ARHGAP15: variants seen among roughly 807,000 people sequenced by gnomAD.
ARHGAP15 encodes rho GTPase-activating protein 15.
In ARHGAP15, 51 loss-of-function variants were observed where a neutral mutation model predicts 63.7. The ratio of observed to expected loss-of-function variants is 0.80; its 90% CI spans 0.64 to 1.01. The LOEUF (loss-of-function observed/expected upper bound fraction) is 1.01. Among genes scored for constraint, ARHGAP15 ranks in the 50% least tolerant of loss-of-function variants. The pLI, the probability that ARHGAP15 is intolerant of heterozygous loss-of-function variation, is 0.00. For synonymous variants in ARHGAP15, 191 were observed against 193.8 expected (o/e 0.99, Z 0.12); for missense variants, 560 against 564.6 (o/e 0.99, Z 0.08).
At chr2:143,405,629 ATGTTTTTAAC>A (rs1184619335) in intron 6 of ARHGAP15, among the ~76,000 whole-genome samples, 3 of 151,932 alleles carry the variant, frequency 2.0e-5, no homozygotes, top group African/African-American at 7.2e-5. Context: ...TCACTTGAAG[ATGTTTTTAAC>A]TGTTTTGATT....
intron 6 of ARHGAP15, among the ~76,000 whole-genome samples, chr2:143,270,009 G>C (rs1362507438): frequency 6.6e-6 from 1 of 152,070 alleles, no homozygotes; most frequent in South Asian, 2.1e-4. Flanking sequence ...TCTCGCTCTT[G>C]TCGCCCGGGC....
At chr2:143,402,402 C>T (rs887841370) in intron 6 of ARHGAP15, among the ~76,000 whole-genome samples, 3 of 151,892 alleles carry the variant, frequency 2.0e-5, no homozygotes, top group Admixed American at 6.6e-5. Flanking sequence ...AAATAGACAA[C>T]AGCAAAGGTA....
At chr2:143,232,267 C>CA (rs1693477118) in intron 5 of ARHGAP15, among the ~76,000 whole-genome samples, 1 of 152,134 alleles carries the variant, frequency 6.6e-6, no homozygotes, top group African/African-American at 2.4e-5. Context: ...ATACCCAATC[C>CA]AAAAAATAGA....
intron 11 of ARHGAP15, among the ~76,000 whole-genome samples, chr2:143,575,150 G>T (rs1574653289): frequency 6.6e-6 from 1 of 152,096 alleles, no homozygotes; most frequent in South Asian, 2.1e-4. Flanking sequence ...ACCTTGCTGA[G>T]TTTCACTCTC....
At chr2:143,241,186 A>T (rs1170538598) in intron 5 of ARHGAP15, among the ~76,000 whole-genome samples, 2 of 152,198 alleles carry the variant, frequency 1.3e-5, no homozygotes. Context: ...CTAAATTGAA[A>T]TGCTCTGAGA....
At chr2:143,501,212 C>T (rs968491478) in intron 9 of ARHGAP15, among the ~76,000 whole-genome samples, 1 of 152,182 alleles carries the variant, frequency 6.6e-6, no homozygotes, top group African/African-American at 2.4e-5. Context: ...CCCTTGGACT[C>T]CCTCATAATT....
intron 6 of ARHGAP15, among the ~76,000 whole-genome samples, chr2:143,428,976 T>G (rs13011344): frequency 0.19 from 28,920 of 151,954 alleles, 3,396 homozygotes; most frequent in East Asian, 0.49. Context: ...CCCCCCAGTT[T>G]AAAAATTAAG....
At chr2:143,594,316 G>A (rs1467385752) in intron 11 of ARHGAP15, among the ~76,000 whole-genome samples, 2 of 152,272 alleles carry the variant, frequency 1.3e-5, no homozygotes, top group East Asian at 3.9e-4. Flanking sequence ...GTGCAATGGG[G>A]ACATTTCAGG....
chr2:143,405,221 G>A (rs1688148376), intron 6 of ARHGAP15, among the ~76,000 whole-genome samples: 1 of 151,592 alleles, frequency 6.6e-6, no homozygotes, highest in Non-Finnish European at 1.5e-5. Context: ...ATGTTATAAT[G>A]TATACCTTCC....
At chr2:143,377,396 A>T (rs1229299602) in intron 6 of ARHGAP15, among the ~76,000 whole-genome samples, 1 of 151,966 alleles carries the variant, frequency 6.6e-6, no homozygotes, top group Non-Finnish European at 1.5e-5. Flanking sequence ...AGTGTTTTGT[A>T]ATACATAATT....
chr2:143,284,770 C>T lies in ARHGAP15; in HGVS notation c.474+34170C>T, dbSNP rs866454390. ...GCAAAAATCAAACATCCAGAAACTA[C>T]AAAAAGTAATCCTGTCTCTTTTAAA... On this transcript the variant is annotated intron_variant, in intron 6 of 13. Coordinates refer to ENST00000295095, the MANE Select transcript of ARHGAP15 (RefSeq NM_018460.4). Among the ~76,000 whole-genome samples, 19 of 152,176 alleles carry T rather than the reference C, an allele frequency of 1.2e-4. 1 individual carries two copies. The highest frequency in any genetic ancestry group is 2.0e-4 in the Admixed American group (3 of 15,266).
At chr2:143,307,708 T>C (rs1369454059) in intron 6 of ARHGAP15, among the ~76,000 whole-genome samples, 16 of 152,072 alleles carry the variant, frequency 1.1e-4, no homozygotes. Flanking sequence ...CTGTTTGGAG[T>C]CTTATCCAGT....
At chr2:143,376,745 GCTTT>G (rs1235508764) in intron 6 of ARHGAP15, among the ~76,000 whole-genome samples, 2 of 151,080 alleles carry the variant, frequency 1.3e-5, no homozygotes, top group African/African-American at 4.9e-5. Flanking sequence ...CTTTCTTCTG[GCTTT>G]CTGTTTCTCA....
At chr2:143,667,479 G>A (rs144867284) in intron 12 of ARHGAP15, among the ~76,000 whole-genome samples, 1 of 147,656 alleles carries the variant, frequency 6.8e-6, no homozygotes, top group African/African-American at 2.5e-5. Context: ...TAGATGACGA[G>A]TTAGTGGGTG....
intron 13 of ARHGAP15, among the ~76,000 whole-genome samples, chr2:143,737,339 A>C (rs546247875): frequency 6.6e-6 from 1 of 152,352 alleles, no homozygotes; most frequent in African/African-American, 2.4e-5. Context: ...AACATCCTTC[A>C]GTAGCTGATA....
rs141512020 is a variant in ARHGAP15, at chr2:143,164,562, C to G, written c.165+8907C>G. On this transcript the variant is annotated intron_variant, in intron 2 of 13. Transcript: ENST00000295095. ...GGACATATAGTTGTCATATGTCAAGCAGATTTATGGATGTGCTGAAGTTAA... is the reference window on the plus strand; with the variant it reads ...GGACATATAGTTGTCATATGTCAAGGAGATTTATGGATGTGCTGAAGTTAA... Among the ~76,000 whole-genome samples the G allele has an allele frequency of 2.2e-4, 34 of 152,008 alleles. No individual in the cohort carries two copies. The East Asian group carries it at 2.3e-3, about 10-fold the overall frequency.
intron 13 of ARHGAP15, among the ~76,000 whole-genome samples, chr2:143,713,187 C>T (rs577180312): frequency 6.6e-5 from 10 of 152,238 alleles, no homozygotes; most frequent in East Asian, 5.8e-4. Flanking sequence ...TACAGTTCCA[C>T]GTGGCTGAGG....
intron 5 of ARHGAP15, among the ~76,000 whole-genome samples, chr2:143,232,617 A>T (rs544600586): frequency 1.2e-4 from 18 of 152,294 alleles, no homozygotes; most frequent in Middle Eastern, 3.4e-3. Flanking sequence ...ACTACCCAGG[A>T]TGAGTTATAG....
chr2:143,683,962 A>T (rs906183399), intron 12 of ARHGAP15, among the ~76,000 whole-genome samples: 6 of 152,194 alleles, frequency 3.9e-5, no homozygotes, highest in Non-Finnish European at 8.8e-5. Context: ...TATACCAATA[A>T]TTTCTGAAGA....
Sources: gnomAD v4.1 joint callset for allele counts (sites outside exome capture counted in the v4.1 genomes callset) on GRCh38, gnomAD v4.1.1 for gene constraint, MANE v1.5 for transcripts, NCBI Gene and HGNC (gene_info 2026-07-23, HGNC 2026-07-21) for gene names.